Variants in NCMAP observed in about 807,000 individuals in gnomAD.
NCMAP encodes non-compact myelin associated protein.
NCMAP carries 8 observed loss-of-function variants against 7.8 expected under a neutral mutation model. That is an observed-to-expected ratio of 1.02 (90% CI 0.60 to 1.84). The LOEUF is 1.84. Among genes scored for constraint, NCMAP ranks in the 40% most tolerant of loss-of-function variants. The probability of loss-of-function intolerance (pLI) is 0.00; values close to 1 mark genes in which losing one functional copy is unlikely to be tolerated. For missense variants in NCMAP, 112 were observed against 131.4 expected, an observed-to-expected ratio of 0.85 and a Z score of 0.72; for synonymous variants, 41 against 52.9, an observed-to-expected ratio of 0.78 and a Z score of 0.98.
At chr1:24,559,233 A>G (rs1225036032) in intron 1 of NCMAP, among the ~76,000 whole-genome samples, 2 of 152,114 alleles carry the variant, frequency 1.3e-5, no homozygotes, top group South Asian at 2.1e-4. Context: ...TAGTTCCCCT[A>G]TCGGTTTCCC....
intron 1 of NCMAP, among the ~76,000 whole-genome samples, chr1:24,578,898 G>A (rs1367861306): frequency 2.0e-5 from 3 of 151,980 alleles, no homozygotes; most frequent in Non-Finnish European, 4.4e-5. Context: ...AAACTCATCC[G>A]GCAAACTCTC....
rs1652803584 is a variant in NCMAP at position 24,607,497 on chromosome 1, T to C, written c.*1750T>C. 1 of 152,184 alleles carries C rather than the reference T, an allele frequency of 6.6e-6. No homozygotes were observed. The highest frequency in any genetic ancestry group is 6.5e-5 in the Admixed American group (1 of 15,268). The allele number at this position is 152,184 out of a possible 1,614,324, so 9.4% of individuals were successfully genotyped here. A position where few individuals can be genotyped will look rare whatever the true frequency, so the allele number is the denominator to read the frequency against. The stretch of plus-strand genomic sequence containing the variant: ...TCTTGGAAACAAGGTAATAAATCTC[T>C]ATTCTGTTAAAGAAAGTGACACACT... On this transcript the variant is annotated 3_prime_UTR_variant, in exon 4 of 4. Transcript: ENST00000374392.
intron 3 of NCMAP, among the ~76,000 whole-genome samples, chr1:24,604,621 T>A (rs1652650522): frequency 4.5e-5 from 2 of 44,474 alleles, no homozygotes; most frequent in African/African-American, 1.8e-4. Context: ...TATATATATA[T>A]ATATATATAT....
intron 1 of NCMAP, among the ~76,000 whole-genome samples, chr1:24,569,149 A>G (rs763782629): frequency 1.6e-4 from 25 of 151,888 alleles, no homozygotes; most frequent in Non-Finnish European, 2.6e-4. Flanking sequence ...GCCTGCCACC[A>G]TGCCCGACTG....
intron 1 of NCMAP, among the ~76,000 whole-genome samples, chr1:24,556,804 C>T (rs1321544279): frequency 6.6e-6 from 1 of 151,970 alleles, no homozygotes; most frequent in Non-Finnish European, 1.5e-5. Flanking sequence ...ATTAGAGAGA[C>T]CAAGGCAGCC....
At chr1:24,595,557 C>G in intron 2 of NCMAP, 45 bp downstream of exon 2, 1 of 1,472,228 alleles carries the variant, frequency 6.8e-7, no homozygotes, top group Non-Finnish European at 9.5e-7. Flanking sequence ...ATGGCAGGAC[C>G]AGTGTCATGG....
intron 2 of NCMAP, among the ~76,000 whole-genome samples, chr1:24,599,997 A>ATT (rs56946336): frequency 6.6e-5 from 10 of 150,926 alleles, no homozygotes; most frequent in Non-Finnish European, 1.2e-4. Flanking sequence ...TATAACGGGT[A>ATT]TTTTTTTTTA....
chr1:24,556,481 A>G (rs1316808343), intron 1 of NCMAP, among the ~76,000 whole-genome samples: 2 of 152,160 alleles, frequency 1.3e-5, no homozygotes, highest in Admixed American at 6.5e-5. Flanking sequence ...GCTGGAAGAA[A>G]AGGGAGTCGA....
chr1:24,581,375 C>T (rs915352414), intron 1 of NCMAP, among the ~76,000 whole-genome samples: 1 of 152,144 alleles, frequency 6.6e-6, no homozygotes, highest in African/African-American at 2.4e-5. Flanking sequence ...CCTTGGCCTC[C>T]CAAAATGCTG....
intron 1 of NCMAP, among the ~76,000 whole-genome samples, chr1:24,577,363 A>T (rs1450658008): frequency 7.3e-6 from 1 of 137,242 alleles, no homozygotes; most frequent in African/African-American, 2.9e-5. Context: ...TTAGGGATAA[A>T]TTCAGATTTT....
Position 24,569,021 on chromosome 1 carries a change from G to GT in NCMAP, c.-8+12856dup, listed in dbSNP as rs1651309576. Among the ~76,000 whole-genome samples, 9 of 134,296 alleles carry GT rather than the reference G, an allele frequency of 6.7e-5. No individual in the cohort carries two copies. In the South Asian group the frequency reaches 2.0e-3, roughly 30 times the overall value. The allele number at this position is 134,296 out of a possible 152,430, so 88.1% of individuals were successfully genotyped here. A position where few individuals can be genotyped will look rare whatever the true frequency, so the allele number is the denominator to read the frequency against. On this transcript the variant is annotated intron_variant, in intron 1 of 3. Transcript: ENST00000374392. The stretch of plus-strand genomic sequence containing the variant: ...ATTCCTAATATATTTGTTTTGTTTT[G>GT]TTTTGTTTTTTTTTGGAGACTTGCT...
chr1:24,595,604 T>G (rs1570536197), intron 2 of NCMAP, 92 bp downstream of exon 2: 2 of 994,850 alleles, frequency 2.0e-6, no homozygotes, highest in Non-Finnish European at 3.1e-6. Flanking sequence ...GCTCTGGAGG[T>G]GGACTGCCTG....
At chr1:24,601,158 G>C (rs774829761) in intron 3 of NCMAP, 134 bp downstream of exon 3, 26 of 679,820 alleles carry the variant, frequency 3.8e-5, no homozygotes, top group Non-Finnish European at 6.2e-5. Context: ...TCTAACCCTT[G>C]GGGATCCTTT....
At chr1:24,585,466 C>T (rs1651856124) in intron 1 of NCMAP, among the ~76,000 whole-genome samples, 1 of 152,152 alleles carries the variant, frequency 6.6e-6, no homozygotes, top group Non-Finnish European at 1.5e-5. Flanking sequence ...CCCCTGAGTC[C>T]ATATCTACAA....
intron 3 of NCMAP, among the ~76,000 whole-genome samples, chr1:24,604,272 A>T (rs9726288): frequency 0.054 from 8,173 of 152,056 alleles, 746 homozygotes; most frequent in African/African-American, 0.19. Flanking sequence ...AAGATTTGAC[A>T]TTTTTAACAA....
intron 2 of NCMAP, among the ~76,000 whole-genome samples, chr1:24,596,819 G>A (rs747716461): frequency 6.6e-6 from 1 of 152,228 alleles, no homozygotes; most frequent in African/African-American, 2.4e-5. Context: ...GGCATTTGCC[G>A]TGAACTAGTG....
At chr1:24,596,486 C>T (rs1652233518) in intron 2 of NCMAP, among the ~76,000 whole-genome samples, 1 of 152,032 alleles carries the variant, frequency 6.6e-6, no homozygotes, top group African/African-American at 2.4e-5. Flanking sequence ...ATTTCAAGAC[C>T]AGCCTGGGCA....
chr1:24,558,482 C>T (rs1238789702), intron 1 of NCMAP, among the ~76,000 whole-genome samples: 2 of 152,196 alleles, frequency 1.3e-5, no homozygotes, highest in African/African-American at 4.8e-5. Context: ...TCCCCTCTCT[C>T]ACATTTTGTA....
chr1:24,577,401 G>GTTT (rs71577720), intron 1 of NCMAP, among the ~76,000 whole-genome samples: 458 of 39,890 alleles, frequency 0.011, 29 homozygotes, highest in Non-Finnish European at 0.014. Flanking sequence ...CACTGGCCTT[G>GTTT]TTTTTTTTTT....
Sources: gnomAD v4.1 joint callset for allele counts (sites outside exome capture counted in the v4.1 genomes callset) on GRCh38, gnomAD v4.1.1 for gene constraint, MANE v1.5 for transcripts, NCBI Gene and HGNC (gene_info 2026-07-23, HGNC 2026-07-21) for gene names.